ARHGEF26: variants seen among roughly 807,000 people sequenced by gnomAD.
The protein encoded by ARHGEF26 is Rho guanine nucleotide exchange factor 26, also known as Rho guanine nucleotide exchange factor (GEF) 26.
Under a neutral mutation model 89.4 loss-of-function variants are expected in ARHGEF26, and 59 were observed. The observed-to-expected ratio is 0.66, with a 90% confidence interval of 0.54 to 0.82. The LOEUF is 0.82. ARHGEF26 is among the 40% of genes least tolerant of loss of function. The pLI is 0.00. For missense variants in ARHGEF26, 1,234 were observed against 1,085.6 expected (o/e 1.14, Z -1.92); for synonymous variants, 500 against 428.4 (o/e 1.17, Z -2.06).
intron 10 of ARHGEF26, among the ~76,000 whole-genome samples, chr3:154,221,998 C>T (rs550129326): frequency 1.3e-5 from 2 of 152,318 alleles, no homozygotes; most frequent in East Asian, 3.9e-4. Flanking sequence ...GTGCCATTTT[C>T]ACATTTATCT....
At chr3:154,139,793 C>G (rs1719246174) in intron 4 of ARHGEF26, among the ~76,000 whole-genome samples, 1 of 152,122 alleles carries the variant, frequency 6.6e-6, no homozygotes, top group Non-Finnish European at 1.5e-5. Flanking sequence ...CCTGTTAATT[C>G]TCTAGATTAT....
chr3:154,254,025 C>T (rs1008743558), intron 13 of ARHGEF26, among the ~76,000 whole-genome samples: 6 of 152,214 alleles, frequency 3.9e-5, no homozygotes, highest in Non-Finnish European at 7.3e-5. Flanking sequence ...ATACCATTCT[C>T]CTGCCTCAGC....
chr3:154,218,026 G>A, intron 10 of ARHGEF26, 68 bp downstream of exon 10: 1 of 1,347,874 alleles, frequency 7.4e-7, no homozygotes, highest in South Asian at 1.3e-5. Context: ...AGACAGTTGA[G>A]GGCAACAAAG....
chr3:154,124,589 TCTCA>T, intron 3 of ARHGEF26, 140 bp downstream of exon 3: 1 of 747,800 alleles, frequency 1.3e-6, no homozygotes, highest in Non-Finnish European at 2.0e-6. Flanking sequence ...GTCCAAAGCT[TCTCA>T]CTAAGCTAAA....
chr3:154,251,308 G>GT (rs1189907827), intron 12 of ARHGEF26, among the ~76,000 whole-genome samples: 2 of 152,284 alleles, frequency 1.3e-5, no homozygotes, highest in African/African-American at 4.8e-5. Context: ...ACTTGCAATT[G>GT]TTTAGTACCA....
chr3:154,186,320 A>C (rs1713543724), intron 6 of ARHGEF26, among the ~76,000 whole-genome samples: 1 of 152,182 alleles, frequency 6.6e-6, no homozygotes, highest in African/African-American at 2.4e-5. Context: ...AAACTACTCA[A>C]GTCTCCATCA....
intron 9 of ARHGEF26, among the ~76,000 whole-genome samples, chr3:154,198,791 A>G (rs1360205547): frequency 6.6e-6 from 1 of 152,156 alleles, no homozygotes; most frequent in Admixed American, 6.6e-5. Flanking sequence ...TGCTCAGGTG[A>G]TGGGTACACC....
intron 11 of ARHGEF26, among the ~76,000 whole-genome samples, chr3:154,237,428 G>A (rs770590531): frequency 1.3e-5 from 2 of 151,946 alleles, no homozygotes; most frequent in Admixed American, 6.6e-5. Context: ...TGTAATCCCA[G>A]CTACACGGGA....
In ARHGEF26 at chr3:154,225,975, C is replaced by T; in HGVS notation, c.2055C>T (p.Leu685=). The T allele has an allele frequency of 6.2e-7, 1 of 1,612,910 alleles. No homozygotes were observed. The highest frequency in any genetic ancestry group is 8.5e-7 in the Non-Finnish European group (1 of 1,179,402). ...RTSKQQVYFF[L]FNDVLIITKK... Reference sequence around the variant, plus strand: ...CCAAACAGCAAGTCTACTTCTTTCTCTTTAACGATGTGCTCATTATCACCA... The same window carrying T: ...CCAAACAGCAAGTCTACTTCTTTCTTTTTAACGATGTGCTCATTATCACCA... The change falls in exon 11 of 15, where the codon CTC becomes CTT. Residue 685 remains leucine (L), a synonymous_variant. Coordinates refer to ENST00000465093, the MANE Select transcript of ARHGEF26 (RefSeq NM_015595.4).
intron 11 of ARHGEF26, among the ~76,000 whole-genome samples, chr3:154,231,546 A>C (rs1262604201): frequency 6.6e-6 from 1 of 151,596 alleles, no homozygotes; most frequent in African/African-American, 2.4e-5. Context: ...AGTCCTGCTA[A>C]GTAACTGATA....
chr3:154,240,952 G>A (rs1717451830), intron 12 of ARHGEF26, among the ~76,000 whole-genome samples: 1 of 152,188 alleles, frequency 6.6e-6, no homozygotes, highest in South Asian at 2.1e-4. Flanking sequence ...GCCTTCTTAG[G>A]TAATGGAATT....
At chr3:154,163,660 A>G (rs974689638) in intron 6 of ARHGEF26, among the ~76,000 whole-genome samples, 4 of 152,172 alleles carry the variant, frequency 2.6e-5, no homozygotes, top group Non-Finnish European at 4.4e-5. Context: ...CTCTTAGAAT[A>G]TGGAGACTTA....
chr3:154,241,566 G>A (rs535818480), intron 12 of ARHGEF26, among the ~76,000 whole-genome samples: 5 of 152,332 alleles, frequency 3.3e-5, no homozygotes, highest in African/African-American at 1.2e-4. Context: ...TTGCTAAAGC[G>A]CAGTAAGCTT....
rs768373276 is a variant in ARHGEF26 at position 154,253,184 on chromosome 3, G to A, written c.2368+1G>A. The A allele has an allele frequency of 6.2e-7, 1 of 1,614,022 alleles. No individual in the cohort carries two copies. ...GGGAAGCCGCCTGCAGACCGAACCT[G>A]TAAGTTCTCTCAAGGGGAAGCCCAC... On this transcript the variant is annotated splice_donor_variant, in intron 13 of 14. Coordinates refer to ENST00000465093, the MANE Select transcript of ARHGEF26 (RefSeq NM_015595.4). LOFTEE classifies it high-confidence loss of function.
intron 4 of ARHGEF26, among the ~76,000 whole-genome samples, chr3:154,144,627 T>A (rs923606241): frequency 6.6e-6 from 1 of 152,222 alleles, no homozygotes; most frequent in Non-Finnish European, 1.5e-5. Flanking sequence ...ATTGAAATGA[T>A]TTGGATTCAT....
Position 154,217,934 on chromosome 3 carries a change from C to A in ARHGEF26, c.1911C>A (p.Asn637Lys). ...GGACTGAGATGATGTACACAATTAACTCCCAGCTGGAATTTAAAATTAAGG... is the reference window on the plus strand; with the variant it reads ...GGACTGAGATGATGTACACAATTAAATCCCAGCTGGAATTTAAAATTAAGG... Reference protein sequence around the residue: ...MERTEMMYTINSQLEFKIKPF... With the variant: ...MERTEMMYTIKSQLEFKIKPF... Residue 637 changes from asparagine to lysine, a missense_variant, in exon 10 of 15, where the codon AAC becomes AAA. Transcript: ENST00000465093. The A allele has an allele frequency of 6.3e-7, 1 of 1,596,820 alleles. No homozygotes were observed. Among genetic ancestry groups the A allele is most frequent in the Non-Finnish European group, 8.5e-7 (1 of 1,171,190 alleles).
chr3:154,202,445 A>G (rs1228758239), intron 9 of ARHGEF26, among the ~76,000 whole-genome samples: 4 of 152,090 alleles, frequency 2.6e-5, no homozygotes, highest in African/African-American at 4.8e-5. Flanking sequence ...TGATGCCTCC[A>G]GCTTTGTTCT....
At chr3:154,218,053 T>C in intron 10 of ARHGEF26, 95 bp downstream of exon 10, 1 of 1,170,004 alleles carries the variant, frequency 8.5e-7, no homozygotes, top group Non-Finnish European at 1.2e-6. Context: ...GGAAATTGCT[T>C]TTCAAAGAAG....
intron 8 of ARHGEF26, 56 bp downstream of exon 8, chr3:154,191,474 A>G: frequency 6.5e-7 from 1 of 1,547,724 alleles, no homozygotes; most frequent in Admixed American, 2.1e-5. Flanking sequence ...TCTAAATCTG[A>G]TTTAGAAAAT....
Sources: gnomAD v4.1 joint callset for allele counts (sites outside exome capture counted in the v4.1 genomes callset) on GRCh38, gnomAD v4.1.1 for gene constraint, MANE v1.5 for transcripts, NCBI Gene and HGNC (gene_info 2026-07-23, HGNC 2026-07-21) for gene names.